Variants in FGR observed in about 807,000 individuals in gnomAD.
The protein encoded by FGR is tyrosine-protein kinase Fgr.
FGR carries 26 observed loss-of-function variants against 63.2 expected under a neutral mutation model. That is an observed-to-expected ratio of 0.41 (90% CI 0.30 to 0.57). The LOEUF (loss-of-function observed/expected upper bound fraction) is 0.57, where lower values mean the gene tolerates loss of function less well. Among genes scored for constraint, FGR ranks in the 20% least tolerant of loss-of-function variants. FGR has a pLI of 0.27. For synonymous variants in FGR, 286 were observed against 277.7 expected (o/e 1.03, Z -0.30); for missense variants, 511 against 690.8 (o/e 0.74, Z 2.92).
Position 27,615,529 on chromosome 1 carries a change from T to G in FGR, c.923A>C (p.Gln308Pro), listed in dbSNP as rs1274633156. The G allele has an allele frequency of 6.2e-7, 1 of 1,613,972 alleles. No individual in the cohort carries two copies. The highest frequency in any genetic ancestry group is 2.2e-5 in the East Asian group (1 of 44,872). Residue 308 changes from glutamine (Q) to proline (P), a missense_variant, in exon 9 of 13, where the codon CAG becomes CCG. Gln to Pro is a moderately conservative substitution (Grantham distance 76). Coordinates refer to ENST00000374005, the MANE Select transcript of FGR (RefSeq NM_005248.3). This position sits in a 1 kb window ranked among gnomAD's most constrained non-coding sequence, Gnocchi z 7.6. Reference sequence around the variant, plus strand: ...GTCGTGCCGCAGCAGCTTCATGACCTGCGCCTCCTCCAGGAAGGCCTTCGG... The same window carrying G: ...GTCGTGCCGCAGCAGCTTCATGACCGGCGCCTCCTCCAGGAAGGCCTTCGG... ...MSPKAFLEEAQVMKLLRHDKL... is the reference protein window; with the variant it reads ...MSPKAFLEEAPVMKLLRHDKL...
intron 10 of FGR, 67 bp downstream of exon 10, chr1:27,614,783 G>T: frequency 1.4e-6 from 2 of 1,473,740 alleles, no homozygotes; most frequent in Non-Finnish European, 1.9e-6. Flanking sequence ...GCGTTTGAAG[G>T]GACAGAGAAT....
In FGR at chr1:27,630,855, G is replaced by A. The variant is rs369207004; in HGVS notation, c.-77+4210C>T. ...TCAAACTGAGGTCCAACCCTGGACCGCAGTGCTCCTCACTTCAACATCTGC... is the reference window on the plus strand; with the variant it reads ...TCAAACTGAGGTCCAACCCTGGACCACAGTGCTCCTCACTTCAACATCTGC... On this transcript the variant is annotated intron_variant, in intron 1 of 12. Coordinates refer to ENST00000374005, the MANE Select transcript of FGR (RefSeq NM_005248.3). Among the ~76,000 whole-genome samples the A allele has an allele frequency of 8.4e-4, 128 of 151,912 alleles. 1 individual carries two copies. In the South Asian group the frequency reaches 0.01, roughly 12 times the overall value.
rs994160847 is a variant in FGR at position 27,623,059 on chromosome 1, G to A, written c.312C>T (p.Phe104=). 2 of 1,613,786 alleles carry A rather than the reference G, an allele frequency of 1.2e-6. No individual in the cohort carries two copies. The highest frequency in any genetic ancestry group is 1.7e-6 in the Non-Finnish European group (2 of 1,179,668). The change falls in exon 4 of 13, where the codon TTC becomes TTT. Residue 104 remains phenylalanine, a synonymous_variant. Transcript: ENST00000374005. ...TCACTTACGTATTGTTCAGGATGTG[G>A]AACTTCTCGCCCTTGGTGAAGGTGA... ...DDLTFTKGEK[F]HILNNTEGDW...
Position 27,614,590 on chromosome 1 carries a change from G to T in FGR, c.1096-7C>A. 6.2e-7 allele frequency: 1 copy of T among 1,613,530 alleles called. No individual in the cohort carries two copies. The highest frequency in any genetic ancestry group is 1.1e-5 in the South Asian group (1 of 91,008). On this transcript the variant is annotated splice_region_variant and splice_polypyrimidine_tract_variant and intron_variant, in intron 10 of 12. Coordinates refer to ENST00000374005, the MANE Select transcript of FGR (RefSeq NM_005248.3). ...AGGCCATGCCCTCAGCTACCTGGGG[G>T]ACCATAGTGTGGAGAGATGGGAGCT...
chr1:27,617,367 C>G lies in FGR; in HGVS notation c.429-71G>C. The G allele has an allele frequency of 9.1e-7, 1 of 1,095,934 alleles. No homozygotes were observed. Among genetic ancestry groups the G allele is most frequent in the Non-Finnish European group, 1.4e-6 (1 of 717,220 alleles). The allele number at this position is 1,095,934 out of a possible 1,614,324, so 67.9% of individuals were successfully genotyped here. A position where few individuals can be genotyped will look rare whatever the true frequency, so the allele number is the denominator to read the frequency against. On this transcript the variant is annotated intron_variant, in intron 5 of 12. Transcript: ENST00000374005. The surrounding 1 kb of genome is among the most constrained non-coding windows in gnomAD (Gnocchi z 4.5). Reference sequence around the variant, plus strand: ...TCACCTCAGCCTCCTGCACAGTCACCTCACAAGCCAAGACTCCATTTTCCC... The same window carrying G: ...TCACCTCAGCCTCCTGCACAGTCACGTCACAAGCCAAGACTCCATTTTCCC...
intron 1 of FGR, among the ~76,000 whole-genome samples, chr1:27,625,674 C>G (rs1210082312): frequency 6.6e-6 from 1 of 152,228 alleles, no homozygotes; most frequent in Non-Finnish European, 1.5e-5. Context: ...GGCGCAGTGG[C>G]TCACGCCTAT....
At position 27,615,344 on chromosome 1, in the gene FGR, C is replaced by A. The variant is rs560417197; in HGVS notation, c.1018+90G>T. ...TGGGACTCTGCCCATTGTCCCTTGT[C>A]CCTCACAGATCGCGTCCCAGGTCCC... On this transcript the variant is annotated intron_variant, in intron 9 of 12. Transcript: ENST00000374005. The surrounding 1 kb of genome is among the most constrained non-coding windows in gnomAD (Gnocchi z 7.6). 6 of 1,409,098 alleles carry A rather than the reference C, an allele frequency of 4.3e-6. No homozygotes were observed. The South Asian group carries it at 6.4e-5, about 15-fold the overall frequency. The allele number at this position is 1,409,098 out of a possible 1,614,324, so 87.3% of individuals were successfully genotyped here.
At chr1:27,630,650 G>T (rs2090093473) in intron 1 of FGR, among the ~76,000 whole-genome samples, 1 of 152,028 alleles carries the variant, frequency 6.6e-6, no homozygotes, top group South Asian at 2.1e-4. Flanking sequence ...AAGAAGCCAG[G>T]TCTCTCTTTT....
At chr1:27,620,044 C>T (rs890585915) in intron 5 of FGR, among the ~76,000 whole-genome samples, 4 of 152,190 alleles carry the variant, frequency 2.6e-5, no homozygotes, top group Non-Finnish European at 4.4e-5. Context: ...GGGCCGGACA[C>T]GGTGGCTCAT....
intron 1 of FGR, among the ~76,000 whole-genome samples, chr1:27,628,510 T>C (rs1244158210): frequency 1.8e-5 from 2 of 108,280 alleles, no homozygotes; most frequent in African/African-American, 4.0e-5. Context: ...ACCCCCCATG[T>C]AGGGATACAC....
intron 12 of FGR, 36 bp downstream of exon 12, chr1:27,613,183 A>G: frequency 1.2e-6 from 2 of 1,610,150 alleles, no homozygotes; most frequent in Non-Finnish European, 1.7e-6. Context: ...CCCCGTGACC[A>G]TCCCCCACCC....
chr1:27,614,759 G>T, intron 10 of FGR, 91 bp downstream of exon 10: 1 of 1,380,702 alleles, frequency 7.2e-7, no homozygotes, highest in Non-Finnish European at 1.0e-6. Flanking sequence ...CAGGGGGCGG[G>T]GCCGCCCTCC....
intron 1 of FGR, among the ~76,000 whole-genome samples, chr1:27,633,864 C>T (rs2090140324): frequency 6.6e-6 from 1 of 152,238 alleles, no homozygotes; most frequent in Non-Finnish European, 1.5e-5. Flanking sequence ...GCAAAAACTG[C>T]TTTCTGCACC....
rs1438332624 is a variant in FGR, at chr1:27,616,797, TC to T, written c.682+59del. 6.3e-7 allele frequency: 1 copy of T among 1,575,530 alleles called. No individual in the cohort carries two copies. ...TCCCTTCCCTTCTCTGGGCCTCAGT[TC>T]CCCCATCTGGACAATGCTTCAGTTG... is the stretch of plus-strand genomic sequence containing the variant. On this transcript the variant is annotated intron_variant, in intron 7 of 12. Transcript: ENST00000374005. This position sits in a 1 kb window ranked among gnomAD's most constrained non-coding sequence, Gnocchi z 4.3.
At chr1:27,619,130 C>G (rs1240321675) in intron 5 of FGR, among the ~76,000 whole-genome samples, 1 of 152,188 alleles carries the variant, frequency 6.6e-6, no homozygotes, top group African/African-American at 2.4e-5. Flanking sequence ...GTCCTAGGGC[C>G]AACCTTTTGC....
At position 27,616,736 on chromosome 1, in the gene FGR, G is replaced by T; in HGVS notation, c.682+121C>A. 9.2e-7 allele frequency: 1 copy of T among 1,088,362 alleles called. No individual in the cohort carries two copies. Among genetic ancestry groups the T allele is most frequent in the South Asian group, 1.4e-5 (1 of 70,410 alleles). 67.4% of individuals were successfully genotyped at this position (1,088,362 alleles called of 1,614,324 possible). A position where few individuals can be genotyped will look rare whatever the true frequency, so the allele number is the denominator to read the frequency against. On this transcript the variant is annotated intron_variant, in intron 7 of 12. Transcript: ENST00000374005. This position sits in a 1 kb window ranked among gnomAD's most constrained non-coding sequence, Gnocchi z 4.3. ...CCTGGGCTGGCAGACCCCATCCTTG[G>T]GTTCTGGTTTCCGTCTGGCCAATAC...
intron 1 of FGR, among the ~76,000 whole-genome samples, chr1:27,633,651 C>T (rs1036898128): frequency 1.3e-5 from 2 of 152,170 alleles, no homozygotes; most frequent in Non-Finnish European, 2.9e-5. Context: ...TGGGCTCCAG[C>T]GATCCTCCGG....
chr1:27,622,176 G>T (rs972752060), intron 4 of FGR, among the ~76,000 whole-genome samples: 1 of 151,696 alleles, frequency 6.6e-6, no homozygotes, highest in Admixed American at 6.6e-5. Flanking sequence ...AGCCAGGCTT[G>T]GTGGCTCTTG....
At position 27,612,750 on chromosome 1, in the gene FGR, C is replaced by T; in HGVS notation, c.*164G>A. On this transcript the variant is annotated 3_prime_UTR_variant, in exon 13 of 13. Transcript: ENST00000374005. ...AGCTCTGGGCCTCCTTTTGCCCCATCTGTAAAACAAGTAGGTTGCCCTAGG... is the reference window on the plus strand; with the variant it reads ...AGCTCTGGGCCTCCTTTTGCCCCATTTGTAAAACAAGTAGGTTGCCCTAGG... The T allele has an allele frequency of 1.6e-6, 1 of 632,780 alleles. No individual in the cohort carries two copies. Among genetic ancestry groups the T allele is most frequent in the South Asian group, 2.0e-5 (1 of 51,226 alleles). 39.2% of individuals were successfully genotyped at this position (632,780 alleles called of 1,614,324 possible).
Sources: gnomAD v4.1 joint callset for allele counts (sites outside exome capture counted in the v4.1 genomes callset) on GRCh38, gnomAD v4.1.1 for gene constraint, Gnocchi (gnomAD v3.1) non-coding constraint, MANE v1.5 for transcripts, NCBI Gene and HGNC (gene_info 2026-07-23, HGNC 2026-07-21) for gene names.